The following EHF variants were observed in gnomAD, a reference collection of about 807,000 sequenced individuals.
EHF encodes ETS homologous factor, also known as ESE3 transcription factor.
Under a neutral mutation model 45.1 loss-of-function variants are expected in EHF, and 14 were observed. That is an observed-to-expected ratio of 0.31 (90% CI 0.21 to 0.49). The LOEUF (loss-of-function observed/expected upper bound fraction) is 0.49, where lower values mean the gene tolerates loss of function less well. Ranked by LOEUF, EHF falls within the 20% of genes least tolerant of loss-of-function variation. EHF has a pLI of 0.99. For synonymous variants in EHF, 136 were observed against 131.8 expected, an observed-to-expected ratio of 1.03 and a Z score of -0.22; for missense variants, 282 against 371.4, an observed-to-expected ratio of 0.76 and a Z score of 1.98.
intron 4 of EHF, among the ~76,000 whole-genome samples, chr11:34,649,810 C>T (rs764471199): frequency 2.6e-5 from 4 of 152,306 alleles, no homozygotes; most frequent in South Asian, 2.1e-4. Flanking sequence ...CTGGGAGCCA[C>T]GTGGGCCAAC....
At chr11:34,638,686 C>T (rs143534375) in intron 1 of EHF, among the ~76,000 whole-genome samples, 270 of 152,292 alleles carry the variant, frequency 1.8e-3, no homozygotes, top group African/African-American at 6.2e-3. Context: ...CCAGCCCCCA[C>T]AGAAGGGATT....
rs754281645 is a variant in EHF, at chr11:34,628,948, A to G, written c.-4+7720A>G. 2.0e-5 allele frequency among the ~76,000 whole-genome samples: 3 copies of G among 152,306 alleles called. No individual in the cohort carries two copies. The South Asian group carries it at 6.2e-4, about 32-fold the overall frequency. Reference sequence around the variant, plus strand: ...TAAAATTCTTCGTAAGTTTTGAACAAAGGGCCCTGCATGTTCCTTTTACAC... The same window carrying G: ...TAAAATTCTTCGTAAGTTTTGAACAGAGGGCCCTGCATGTTCCTTTTACAC... On this transcript the variant is annotated intron_variant, in intron 1 of 8. Coordinates refer to ENST00000257831, the MANE Select transcript of EHF (RefSeq NM_012153.6).
At chr11:34,640,351 G>A (rs1483656936) in intron 1 of EHF, among the ~76,000 whole-genome samples, 7 of 152,220 alleles carry the variant, frequency 4.6e-5, no homozygotes, top group Non-Finnish European at 8.8e-5. Context: ...AAATCCTTGT[G>A]AAAGAATTTG....
chr11:34,649,818 A>G (rs1854967539), intron 4 of EHF, among the ~76,000 whole-genome samples: 2 of 152,198 alleles, frequency 1.3e-5, no homozygotes, highest in Non-Finnish European at 2.9e-5. Flanking sequence ...CACGTGGGCC[A>G]ACCAAGCTTT....
At chr11:34,625,386 G>T (rs77790946) in intron 1 of EHF, among the ~76,000 whole-genome samples, 1 of 152,162 alleles carries the variant, frequency 6.6e-6, no homozygotes, top group African/African-American at 2.4e-5. Context: ...TCTATAAAAC[G>T]CCAAAGCAGC....
At chr11:34,623,776 G>A (rs1422787370) in intron 1 of EHF, among the ~76,000 whole-genome samples, 2 of 152,012 alleles carry the variant, frequency 1.3e-5, no homozygotes, top group African/African-American at 4.8e-5. Context: ...CCATGCCCCC[G>A]ACCCACCCAA....
At chr11:34,653,216 C>T (rs1011081069) in intron 6 of EHF, among the ~76,000 whole-genome samples, 14 of 151,730 alleles carry the variant, frequency 9.2e-5, no homozygotes, top group African/African-American at 3.2e-4. Context: ...CTTTGACTTA[C>T]GGCAAAAAAT....
At chr11:34,648,336 T>G (rs1854782762) in intron 3 of EHF, among the ~76,000 whole-genome samples, 1 of 149,448 alleles carries the variant, frequency 6.7e-6, no homozygotes, top group South Asian at 2.1e-4. Flanking sequence ...TAGATTCATA[T>G]GCATTTACAA....
In EHF at chr11:34,658,585, A is replaced by G. The variant is rs1855878750; in HGVS notation, c.660A>G (p.Pro220=). The change falls in exon 8 of 9, where the codon CCA becomes CCG. Residue 220 remains proline, a synonymous_variant. Transcript: ENST00000257831. Reference sequence around the variant, plus strand: ...TCATCCGCGACATCCTCTTGAACCCAGACAAGAACCCAGGATTAATAAAAT... The same window carrying G: ...TCATCCGCGACATCCTCTTGAACCCGGACAAGAACCCAGGATTAATAAAAT... The part of the protein sequence containing the change: ...WEFIRDILLN[P]DKNPGLIKWE... 6.2e-7 allele frequency: 1 copy of G among 1,613,588 alleles called. No individual in the cohort carries two copies. The highest frequency in any genetic ancestry group is 1.3e-5 in the African/African-American group (1 of 74,882).
At chr11:34,649,431 G>A (rs1264922647) in intron 4 of EHF, among the ~76,000 whole-genome samples, 1 of 152,254 alleles carries the variant, frequency 6.6e-6, no homozygotes, top group East Asian at 1.9e-4. Flanking sequence ...AGTTTGGAAA[G>A]AGAAGAGGAA....
chr11:34,642,703 A>G lies in EHF; in HGVS notation c.73A>G (p.Thr25Ala). ...CCTCCTTCACCAGCCGCCAGCCTGG[A>G]CAGACAGCTACTCCACGTGCAATGG... ...NNLLHQPPAW[T>A]DSYSTCNVSS... Residue 25 changes from threonine (T) to alanine (A), a missense_variant, in exon 2 of 9, where the codon ACA becomes GCA. Thr to Ala is a moderately conservative substitution (Grantham distance 58). This residue lies in a region of EHF where 213 missense variants were observed against 247.3 expected (regional missense o/e 0.86). Coordinates refer to ENST00000257831, the MANE Select transcript of EHF (RefSeq NM_012153.6). 2.5e-6 allele frequency: 4 copies of G among 1,613,976 alleles called. 1 individual carries two copies. In the Middle Eastern group the frequency reaches 6.6e-4, roughly 266 times the overall value.
In EHF at chr11:34,636,533, T is replaced by C. The variant is rs191773483; in HGVS notation, c.-3-6095T>C. On this transcript the variant is annotated intron_variant, in intron 1 of 8. Coordinates refer to ENST00000257831, the MANE Select transcript of EHF (RefSeq NM_012153.6). Reference sequence around the variant, plus strand: ...GACACTTGCTACATATGAGACGTTATGCTGGGGACTTTACAAATAATCTCA... The same window carrying C: ...GACACTTGCTACATATGAGACGTTACGCTGGGGACTTTACAAATAATCTCA... 5.3e-3 allele frequency among the ~76,000 whole-genome samples: 805 copies of C among 152,358 alleles called. 4 individuals are homozygous for C. The highest frequency in any genetic ancestry group is 8.7e-3 in the Non-Finnish European group (594 of 68,036).
chr11:34,648,979 A>T (rs1027469585), intron 3 of EHF, 40 bp from the exon 4 acceptor site: 2 of 1,598,364 alleles, frequency 1.3e-6, no homozygotes, highest in African/African-American at 2.7e-5. Context: ...TTCTGGCTCC[A>T]TCTGGGCCCT....
chr11:34,625,817 T>C (rs1232946210), intron 1 of EHF, among the ~76,000 whole-genome samples: 1 of 152,154 alleles, frequency 6.6e-6, no homozygotes, highest in Non-Finnish European at 1.5e-5. Context: ...TCTCTCCTCC[T>C]CCAATCTCAC....
Position 34,648,912 on chromosome 11 carries a change from A to C in EHF, c.344-107A>C. The C allele has an allele frequency of 2.9e-6, 3 of 1,046,788 alleles. No individual in the cohort carries two copies. In the South Asian group the frequency reaches 4.7e-5, roughly 16 times the overall value. 64.8% of individuals were successfully genotyped at this position (1,046,788 alleles called of 1,614,324 possible). A position where few individuals can be genotyped will look rare whatever the true frequency, so the allele number is the denominator to read the frequency against. ...CATAAACAAACATAGGTGACCAGGC[A>C]GTAGGATGGCAGAAGCTCTGCAAAG... On this transcript the variant is annotated intron_variant, in intron 3 of 8. Coordinates refer to ENST00000257831, the MANE Select transcript of EHF (RefSeq NM_012153.6).
chr11:34,636,189 A>G (rs1278371864), intron 1 of EHF, among the ~76,000 whole-genome samples: 1 of 152,238 alleles, frequency 6.6e-6, no homozygotes, highest in East Asian at 1.9e-4. Flanking sequence ...AATACTTACT[A>G]TGTGTCATGC....
rs759596514 is a variant in EHF, at chr11:34,661,716, A to G, written c.*2785A>G. Reference sequence around the variant, plus strand: ...CCACCACAGTGTTGAAAGGGAGAGCAAAGTCTTATGGATAAACCCTCCTTT... The same window carrying G: ...CCACCACAGTGTTGAAAGGGAGAGCGAAGTCTTATGGATAAACCCTCCTTT... On this transcript the variant is annotated 3_prime_UTR_variant, in exon 9 of 9. Coordinates refer to ENST00000257831, the MANE Select transcript of EHF (RefSeq NM_012153.6). 1.3e-5 allele frequency among the ~76,000 whole-genome samples: 2 copies of G among 152,146 alleles called. No homozygotes were observed. Among genetic ancestry groups the G allele is most frequent in the Non-Finnish European group, 2.9e-5 (2 of 68,016 alleles).
At chr11:34,645,913 A>C (rs924180931) in intron 2 of EHF, among the ~76,000 whole-genome samples, 16 of 152,162 alleles carry the variant, frequency 1.1e-4, no homozygotes, top group African/African-American at 3.9e-4. Flanking sequence ...GTGGGATATC[A>C]GTCCAGTTAG....
Position 34,646,551 on chromosome 11 carries a change from C to T in EHF, c.210C>T (p.Ala70=), listed in dbSNP as rs1201725007. The T allele has an allele frequency of 3.1e-6, 5 of 1,613,794 alleles. No homozygotes were observed. The highest frequency in any genetic ancestry group is 4.2e-6 in the Non-Finnish European group (5 of 1,179,846). ...TCCTGGACACCAACCAGCTGGATGC[C>T]AATTGTATCCCTTTCCAAGAGTTCG... is the stretch of plus-strand genomic sequence containing the variant. The part of the protein sequence containing the change: ...QHLLDTNQLD[A]NCIPFQEFDI... The change falls in exon 3 of 9, where the codon GCC becomes GCT. Residue 70 remains alanine (A), a synonymous_variant. Coordinates refer to ENST00000257831, the MANE Select transcript of EHF (RefSeq NM_012153.6).
Sources: allele counts gnomAD v4.1 joint callset (sites outside exome capture counted in the v4.1 genomes callset), GRCh38; gene constraint gnomAD v4.1.1; regional missense constraint gnomAD v4.1.1; transcripts MANE v1.5; gene names NCBI Gene and HGNC (gene_info 2026-07-23, HGNC 2026-07-21).